The following DNAH7 variants were observed in gnomAD, a reference collection of about 807,000 sequenced individuals.
DNAH7 encodes axonemal beta dynein heavy chain 7.
A neutral mutation model predicts 444.6 loss-of-function variants in DNAH7; 397 were observed. The observed-to-expected ratio is 0.89, with a 90% CI of 0.82 to 0.97. The LOEUF (loss-of-function observed/expected upper bound fraction) is 0.97, where lower values mean the gene tolerates loss of function less well. DNAH7 is among the 50% of genes least tolerant of loss of function. DNAH7 has a pLI of 0.00. For synonymous variants in DNAH7, 1,636 were observed against 1,624.4 expected, an observed-to-expected ratio of 1.01 and a Z score of -0.17; for missense variants, 4,902 against 4,800.8, an observed-to-expected ratio of 1.02 and a Z score of -0.62.
At chr2:195,909,734 C>T (rs1018721152) in intron 25 of DNAH7, among the ~76,000 whole-genome samples, 1 of 152,146 alleles carries the variant, frequency 6.6e-6, no homozygotes, top group African/African-American at 2.4e-5. Flanking sequence ...GACCTTTACA[C>T]GATGCAATCG....
At chr2:196,061,479 T>C (rs1698131340) in intron 1 of DNAH7, among the ~76,000 whole-genome samples, 1 of 152,304 alleles carries the variant, frequency 6.6e-6, no homozygotes. Flanking sequence ...AACTTCCCCA[T>C]ATTTTCTTAA....
chr2:196,028,110 G>A, intron 5 of DNAH7, 63 bp from the exon 6 acceptor site: 2 of 1,294,634 alleles, frequency 1.5e-6, no homozygotes, highest in South Asian at 1.3e-5. Flanking sequence ...ATAAAACAAT[G>A]GATATAGGAA....
intron 47 of DNAH7, 87 bp downstream of exon 47, chr2:195,844,915 A>C: frequency 8.2e-7 from 1 of 1,213,456 alleles, no homozygotes; most frequent in Non-Finnish European, 1.1e-6. Flanking sequence ...ATACTGTAAA[A>C]GTTTGCTACC....
chr2:195,987,988 A>C lies in DNAH7; in HGVS notation c.1595T>G (p.Leu532Arg). 3 of 1,612,244 alleles carry C rather than the reference A, an allele frequency of 1.9e-6. No homozygotes were observed. Among genetic ancestry groups the C allele is most frequent in the Non-Finnish European group, 2.5e-6 (3 of 1,179,062 alleles). The change falls in exon 13 of 65, where the codon CTA (leucine) becomes CGA (arginine). Residue 532 changes from leucine (L) to arginine (R), a missense_variant. Transcript: ENST00000312428. The stretch of plus-strand genomic sequence containing the variant: ...GGATGTGTACTGTATTTCCTCTATT[A>C]GTTTCTGGTATTTGCAAATTTCATC... ...IIDEICKYQK[L>R]IEEIQYTSIK... is the part of the protein sequence containing the mutation.
At chr2:195,776,299 C>T (rs970996813) in intron 59 of DNAH7, among the ~76,000 whole-genome samples, 15 of 151,938 alleles carry the variant, frequency 9.9e-5, no homozygotes, top group African/African-American at 1.9e-4. Flanking sequence ...CAAAATTAGT[C>T]GGGTGTGGTG....
At chr2:196,004,168 G>C (rs539408143) in intron 10 of DNAH7, among the ~76,000 whole-genome samples, 1 of 152,264 alleles carries the variant, frequency 6.6e-6, no homozygotes, top group South Asian at 2.1e-4. Context: ...TCAACAAAAG[G>C]GAGGCACTGA....
At chr2:195,947,111 T>C (rs943258010) in intron 19 of DNAH7, among the ~76,000 whole-genome samples, 2 of 147,724 alleles carry the variant, frequency 1.4e-5, no homozygotes, top group African/African-American at 2.5e-5. Context: ...TTATAATATA[T>C]ATAATTATAA....
At chr2:195,837,338 C>G (rs1698424946) in intron 47 of DNAH7, among the ~76,000 whole-genome samples, 1 of 152,328 alleles carries the variant, frequency 6.6e-6, no homozygotes, top group South Asian at 2.1e-4. Flanking sequence ...CTGATTCTAA[C>G]CAAGATGGGC....
At chr2:195,780,845 GTCC>G (rs1205996206) in intron 58 of DNAH7, among the ~76,000 whole-genome samples, 1 of 151,872 alleles carries the variant, frequency 6.6e-6, no homozygotes, top group Non-Finnish European at 1.5e-5. Flanking sequence ...TGCTTTCTGT[GTCC>G]TCCTTACAGT....
At chr2:195,889,862 G>A (rs55711785) in intron 31 of DNAH7, among the ~76,000 whole-genome samples, 13,991 of 151,946 alleles carry the variant, frequency 0.092, 706 homozygotes, top group African/African-American at 0.13. Context: ...TGATGGTATA[G>A]AAAATTACAA....
chr2:195,910,756 G>A (rs1190152470), intron 24 of DNAH7, among the ~76,000 whole-genome samples: 1 of 152,132 alleles, frequency 6.6e-6, no homozygotes, highest in African/African-American at 2.4e-5. Context: ...GTCTTGAAAG[G>A]CTGTCTTGTC....
At chr2:195,742,737 C>T (rs559113503) in intron 63 of DNAH7, among the ~76,000 whole-genome samples, 3 of 152,306 alleles carry the variant, frequency 2.0e-5, no homozygotes, top group African/African-American at 7.2e-5. Flanking sequence ...CTCTTTTACA[C>T]TATTCTCTGC....
intron 5 of DNAH7, among the ~76,000 whole-genome samples, chr2:196,043,451 C>G (rs1354867733): frequency 6.6e-6 from 1 of 151,976 alleles, no homozygotes; most frequent in Non-Finnish European, 1.5e-5. Flanking sequence ...AGATCTGAAA[C>G]CATAAAAATT....
intron 25 of DNAH7, 39 bp downstream of exon 25, chr2:195,909,988 A>C (rs372670957): frequency 5.6e-5 from 87 of 1,551,240 alleles, no homozygotes; most frequent in Non-Finnish European, 7.4e-5. Context: ...ATCTCTGATC[A>C]GTTATCCTGT....
chr2:195,847,159 T>A (rs1419040701), intron 46 of DNAH7, among the ~76,000 whole-genome samples: 1 of 146,054 alleles, frequency 6.8e-6, no homozygotes, highest in African/African-American at 2.5e-5. Context: ...TATATACTTA[T>A]ATATATAAAC....
intron 5 of DNAH7, among the ~76,000 whole-genome samples, chr2:196,043,905 T>C (rs1030996010): frequency 1.3e-5 from 2 of 151,952 alleles, no homozygotes; most frequent in Non-Finnish European, 2.9e-5. Flanking sequence ...CAAAAAATAA[T>C]AGATGTTGGC....
intron 61 of DNAH7, 62 bp from the exon 62 acceptor site, chr2:195,756,347 A>G (rs1694073336): frequency 1.5e-6 from 2 of 1,362,130 alleles, no homozygotes; most frequent in South Asian, 1.9e-5. Flanking sequence ...ATAAGCAACC[A>G]CCTTTTAAAT....
chr2:195,911,808 A>C (rs2125310446), intron 24 of DNAH7, among the ~76,000 whole-genome samples: 1 of 152,316 alleles, frequency 6.6e-6, no homozygotes, highest in East Asian at 1.9e-4. Context: ...GATAGAGCTC[A>C]TTACTTGCAG....
At chr2:196,022,239 T>C (rs1695428339) in intron 8 of DNAH7, among the ~76,000 whole-genome samples, 1 of 152,204 alleles carries the variant, frequency 6.6e-6, no homozygotes, top group Non-Finnish European at 1.5e-5. Context: ...AAGGTCTTAA[T>C]GGCTTCTAAC....
Sources: gnomAD v4.1 joint callset for allele counts (sites outside exome capture counted in the v4.1 genomes callset) on GRCh38, gnomAD v4.1.1 for gene constraint, MANE v1.5 for transcripts, NCBI Gene and HGNC (gene_info 2026-07-23, HGNC 2026-07-21) for gene names.